The following CDS1 variants were observed in gnomAD, a reference collection of about 807,000 sequenced individuals.
CDS1 encodes the protein CDP-diacylglycerol synthase 1, also known as phosphatidate cytidylyltransferase 1.
In CDS1, 41 loss-of-function variants were observed where a neutral mutation model predicts 62.1. That is an observed-to-expected ratio of 0.66 (90% CI 0.51 to 0.86). CDS1 has a LOEUF of 0.86. CDS1 is among the 40% of genes least tolerant of loss of function. The pLI is 0.00. For synonymous variants in CDS1, 185 were observed against 192.6 expected, an observed-to-expected ratio of 0.96 and a Z score of 0.32; for missense variants, 470 against 550.1, an observed-to-expected ratio of 0.85 and a Z score of 1.46.
intron 10 of CDS1, among the ~76,000 whole-genome samples, chr4:84,641,902 CTG>C (rs1226752193): frequency 6.6e-6 from 1 of 152,234 alleles, no homozygotes; most frequent in African/African-American, 2.4e-5. Context: ...TTATTTCTCT[CTG>C]AGTGCTCAGT....
Position 84,643,073 on chromosome 4 carries a change from C to A in CDS1, c.1082C>A (p.Thr361Asn), listed in dbSNP as rs377603195. ...CAGATCCACAGCATTGCACTGTCAA[C>A]CTTTGCATCTTTAATTGGCCCATTT... ...PFQIHSIALS[T>N]FASLIGPFGG... The change falls in exon 11 of 13, where the codon ACC (threonine) becomes AAC (asparagine). Residue 361 changes from threonine (T) to asparagine (N), a missense_variant. By Grantham distance (65) the Thr-to-Asn change is moderately conservative. This residue lies in a region of CDS1 where 214 missense variants were observed against 242.4 expected (regional missense o/e 0.88). Coordinates refer to ENST00000295887, the MANE Select transcript of CDS1 (RefSeq NM_001263.4). The A allele has an allele frequency of 1.9e-6, 3 of 1,612,922 alleles. No homozygotes were observed. The African/African-American group carries it at 4.0e-5, about 22-fold the overall frequency.
chr4:84,633,881 C>G lies in CDS1; in HGVS notation c.664C>G (p.Leu222Val). Residue 222 changes from leucine (L) to valine (V), a missense_variant, in exon 7 of 13, where the codon CTG becomes GTG. Leu to Val is a conservative substitution (Grantham distance 32). Coordinates refer to ENST00000295887, the MANE Select transcript of CDS1 (RefSeq NM_001263.4). ...GTTCGCATGGACTCATGTCACTTTA[C>G]TGATAACTGTCACTCAGTCACACCT... ...YMFAWTHVTLLITVTQSHLVI... is the reference protein window; with the variant it reads ...YMFAWTHVTLVITVTQSHLVI... The G allele has an allele frequency of 6.2e-7, 1 of 1,601,904 alleles. No homozygotes were observed. Among genetic ancestry groups the G allele is most frequent in the Non-Finnish European group, 8.5e-7 (1 of 1,173,462 alleles).
chr4:84,620,864 C>T (rs918548395), intron 5 of CDS1, among the ~76,000 whole-genome samples: 1 of 152,034 alleles, frequency 6.6e-6, no homozygotes, highest in Non-Finnish European at 1.5e-5. Flanking sequence ...AGTTCGAGAC[C>T]AGCCTGACCA....
Position 84,648,766 on chromosome 4 carries a change from A to G in CDS1, c.*80A>G. The G allele has an allele frequency of 7.3e-7, 1 of 1,378,212 alleles. No homozygotes were observed. Among genetic ancestry groups the G allele is most frequent in the South Asian group, 1.5e-5 (1 of 64,900 alleles). The allele number at this position is 1,378,212 out of a possible 1,614,324, so 85.4% of individuals were successfully genotyped here. On this transcript the variant is annotated 3_prime_UTR_variant, in exon 13 of 13. Transcript: ENST00000295887. ...CAGATGTTTTATAAATTGTACAGAA[A>G]AATAGTTAAAAATGCAATAGGTTGA...
intron 1 of CDS1, among the ~76,000 whole-genome samples, chr4:84,591,042 CT>C (rs1167458527): frequency 6.6e-6 from 1 of 152,054 alleles, no homozygotes; most frequent in Non-Finnish European, 1.5e-5. Context: ...ATAAAAGTTT[CT>C]TTTCCTTTTT....
chr4:84,583,368 TGAG>T lies in CDS1; in HGVS notation c.-29_-27del, dbSNP rs776667846. 1.5e-5 allele frequency: 23 copies of T among 1,484,226 alleles called. No homozygotes were observed. Among genetic ancestry groups the T allele is most frequent in the Middle Eastern group, 2.0e-4 (1 of 4,938 alleles). The allele number at this position is 1,484,226 out of a possible 1,614,324, so 91.9% of individuals were successfully genotyped here. A position where few individuals can be genotyped will look rare whatever the true frequency, so the allele number is the denominator to read the frequency against. On this transcript the variant is annotated 5_prime_UTR_variant, in exon 1 of 13. Transcript: ENST00000295887. ...CTTGCAGCTCAGGTTTCGGGGTGCTTGAGGAGGCCGCCACGGCAGCGCGGGAGC... is the reference window on the plus strand; with the variant it reads ...CTTGCAGCTCAGGTTTCGGGGTGCTTGAGGCCGCCACGGCAGCGCGGGAGC...
chr4:84,599,669 G>A (rs1475178459), intron 1 of CDS1, among the ~76,000 whole-genome samples: 1 of 151,302 alleles, frequency 6.6e-6, no homozygotes, highest in African/African-American at 2.4e-5. Flanking sequence ...ATTTTGTCTG[G>A]CTTCTTTTAC....
At chr4:84,641,789 A>G (rs1248228137) in intron 10 of CDS1, among the ~76,000 whole-genome samples, 1 of 152,232 alleles carries the variant, frequency 6.6e-6, no homozygotes, top group Non-Finnish European at 1.5e-5. Context: ...TGAGGAATCA[A>G]ATAATAGCAT....
chr4:84,625,105 C>T (rs941433556), intron 5 of CDS1, among the ~76,000 whole-genome samples: 1 of 152,148 alleles, frequency 6.6e-6, no homozygotes, highest in African/African-American at 2.4e-5. Context: ...AAGTGATCCT[C>T]CTGCCTTGAT....
intron 6 of CDS1, among the ~76,000 whole-genome samples, chr4:84,632,619 T>C (rs542093639): frequency 6.6e-6 from 1 of 152,262 alleles, no homozygotes; most frequent in Non-Finnish European, 1.5e-5. Context: ...AAGAGTAAAA[T>C]TCTTAGTGAA....
At position 84,648,860 on chromosome 4, in the gene CDS1, A is replaced by G. The variant is rs1029607158; in HGVS notation, c.*174A>G. 1.7e-6 allele frequency: 1 copy of G among 594,570 alleles called. No homozygotes were observed. Among genetic ancestry groups the G allele is most frequent in the Non-Finnish European group, 2.7e-6 (1 of 365,706 alleles). The allele number at this position is 594,570 out of a possible 1,614,324, so 36.8% of individuals were successfully genotyped here. ...AACAAACACTTACTTGATCTATGTT[A>G]TGAAATAAGTAGCAAATTGCCAGCA... On this transcript the variant is annotated 3_prime_UTR_variant, in exon 13 of 13. Coordinates refer to ENST00000295887, the MANE Select transcript of CDS1 (RefSeq NM_001263.4).
At chr4:84,618,901 G>A (rs924727643) in intron 4 of CDS1, among the ~76,000 whole-genome samples, 5 of 152,134 alleles carry the variant, frequency 3.3e-5, no homozygotes, top group African/African-American at 1.2e-4. Flanking sequence ...CATTAGAGCT[G>A]TGAGTAGTTA....
chr4:84,598,214 C>T (rs1722815178), intron 1 of CDS1, among the ~76,000 whole-genome samples: 1 of 151,526 alleles, frequency 6.6e-6, no homozygotes, highest in South Asian at 2.1e-4. Context: ...CATGTTCTTT[C>T]AAGTAAAACT....
intron 1 of CDS1, among the ~76,000 whole-genome samples, chr4:84,602,067 T>C (rs938338548): frequency 2.0e-5 from 3 of 152,190 alleles, no homozygotes; most frequent in African/African-American, 7.2e-5. Context: ...ATTCACACTC[T>C]TATTTTCCTT....
chr4:84,639,863 TTTTGTGGTAGAATA>T (rs1724324278), intron 9 of CDS1, among the ~76,000 whole-genome samples: 1 of 152,182 alleles, frequency 6.6e-6, no homozygotes, highest in East Asian at 1.9e-4. Context: ...ATTCCAGTGT[TTTTGTGGTAGAATA>T]TTGATGAGAT....
chr4:84,615,519 G>A (rs1038655727), intron 3 of CDS1, among the ~76,000 whole-genome samples: 2 of 151,476 alleles, frequency 1.3e-5, no homozygotes, highest in Admixed American at 1.3e-4. Context: ...CCCTTAATAC[G>A]CCCCATTCCC....
chr4:84,601,810 G>A (rs1278515811), intron 1 of CDS1, among the ~76,000 whole-genome samples: 1 of 152,116 alleles, frequency 6.6e-6, no homozygotes, highest in Non-Finnish European at 1.5e-5. Flanking sequence ...CAACACGGGA[G>A]GCTGAGGCAG....
rs938067329 is a variant in CDS1, at chr4:84,612,535, A to G, written c.342+3010A>G. Among the ~76,000 whole-genome samples the G allele has an allele frequency of 2.0e-5, 3 of 152,328 alleles. 1 individual carries two copies. The highest frequency in any genetic ancestry group is 4.1e-4 in the South Asian group (2 of 4,828). ...CAAAATTCAAGACAGTTTTAAAGAC[A>G]TGCATGCATACATTTGGATTCTGAT... On this transcript the variant is annotated intron_variant, in intron 3 of 12. Coordinates refer to ENST00000295887, the MANE Select transcript of CDS1 (RefSeq NM_001263.4).
At chr4:84,611,428 T>C (rs1307610580) in intron 3 of CDS1, among the ~76,000 whole-genome samples, 1 of 150,378 alleles carries the variant, frequency 6.6e-6, no homozygotes, top group Non-Finnish European at 1.5e-5. Flanking sequence ...GTTTATCCAT[T>C]TTGCCAATCT....
Sources: gnomAD v4.1 joint callset for allele counts (sites outside exome capture counted in the v4.1 genomes callset) on GRCh38, gnomAD v4.1.1 for gene constraint, gnomAD v4.1.1 regional missense constraint, MANE v1.5 for transcripts, NCBI Gene and HGNC (gene_info 2026-07-23, HGNC 2026-07-21) for gene names.